Variants in COL25A1 observed in about 807,000 individuals in gnomAD.
The protein encoded by COL25A1 is collagen alpha-1(XXV) chain.
In COL25A1, 103 loss-of-function variants were observed where a neutral mutation model predicts 128.4. That is an observed-to-expected ratio of 0.80 (90% CI 0.68 to 0.94). The LOEUF (loss-of-function observed/expected upper bound fraction) is 0.94. Among genes scored for constraint, COL25A1 ranks in the 40% least tolerant of loss-of-function variants. The pLI is 0.00. For missense variants in COL25A1, 745 were observed against 840.0 expected (o/e 0.89, Z 1.40); for synonymous variants, 279 against 277.2 (o/e 1.01, Z -0.06).
chr4:109,224,960 A>T (rs1347264430), intron 3 of COL25A1, among the ~76,000 whole-genome samples: 2 of 152,120 alleles, frequency 1.3e-5, no homozygotes, highest in Non-Finnish European at 2.9e-5. Flanking sequence ...AAATACATAC[A>T]TCTATACAAG....
At chr4:108,943,985 T>G (rs531633745) in intron 8 of COL25A1, among the ~76,000 whole-genome samples, 16 of 152,336 alleles carry the variant, frequency 1.1e-4, no homozygotes, top group African/African-American at 3.4e-4. Flanking sequence ...TTTAATTTTA[T>G]TAGTTTCATG....
chr4:109,285,453 T>C (rs1723787226), intron 3 of COL25A1, among the ~76,000 whole-genome samples: 1 of 152,232 alleles, frequency 6.6e-6, no homozygotes, highest in Non-Finnish European at 1.5e-5. Flanking sequence ...TCAAATGTAA[T>C]GTATGTCTAG....
intron 24 of COL25A1, among the ~76,000 whole-genome samples, chr4:108,855,952 T>C (rs1736442426): frequency 1.3e-5 from 2 of 152,132 alleles, no homozygotes; most frequent in South Asian, 4.1e-4. Flanking sequence ...TGAACTCAAA[T>C]AATGATTTGA....
chr4:109,135,344 T>C (rs1375263812), intron 3 of COL25A1, among the ~76,000 whole-genome samples: 1 of 152,124 alleles, frequency 6.6e-6, no homozygotes, highest in Admixed American at 6.5e-5. Flanking sequence ...GTGTCATTAC[T>C]CACCAAAAAG....
chr4:109,002,677 T>C lies in COL25A1; in HGVS notation c.438+7681A>G, dbSNP rs1755562007. Among the ~76,000 whole-genome samples, 5 of 152,234 alleles carry C rather than the reference T, an allele frequency of 3.3e-5. No homozygotes were observed. The South Asian group carries it at 8.3e-4, about 25-fold the overall frequency. On this transcript the variant is annotated intron_variant, in intron 6 of 37. Transcript: ENST00000399132. The stretch of plus-strand genomic sequence containing the variant: ...GATTGTTATAATATTGCACAATGTA[T>C]ATGTATGTGAAATCATTACACTGTA...
At chr4:109,153,606 C>T (rs1047966888) in intron 3 of COL25A1, among the ~76,000 whole-genome samples, 6 of 152,078 alleles carry the variant, frequency 3.9e-5, no homozygotes, top group East Asian at 1.9e-4. Context: ...CAACAACAAA[C>T]GCCTTGATCG....
intron 3 of COL25A1, among the ~76,000 whole-genome samples, chr4:109,058,255 C>A (rs1448751556): frequency 6.6e-6 from 1 of 152,074 alleles, no homozygotes; most frequent in East Asian, 1.9e-4. Context: ...CAGGATCCTA[C>A]AGGGGATTTA....
At chr4:109,093,457 GAAAAAA>G (rs564834752) in intron 3 of COL25A1, among the ~76,000 whole-genome samples, 1 of 69,458 alleles carries the variant, frequency 1.4e-5, no homozygotes, top group South Asian at 5.1e-4. Context: ...CCATCTCTAT[GAAAAAA>G]AAAAAAAAAA....
intron 16 of COL25A1, among the ~76,000 whole-genome samples, chr4:108,894,433 C>A (rs1166061454): frequency 6.6e-6 from 1 of 151,798 alleles, no homozygotes; most frequent in African/African-American, 2.4e-5. Flanking sequence ...GTAACTATGG[C>A]CAAATTCAGT....
chr4:108,903,248 C>T (rs1471528712), intron 13 of COL25A1, among the ~76,000 whole-genome samples: 1 of 151,834 alleles, frequency 6.6e-6, no homozygotes, highest in African/African-American at 2.4e-5. Flanking sequence ...TAAAAGGCAG[C>T]AAAAAATTGT....
intron 6 of COL25A1, among the ~76,000 whole-genome samples, chr4:108,978,993 T>C (rs995144278): frequency 5.3e-5 from 8 of 152,234 alleles, no homozygotes; most frequent in African/African-American, 1.7e-4. Flanking sequence ...TTAATTACAT[T>C]AATAAGTACT....
At chr4:109,090,268 C>T (rs966703732) in intron 3 of COL25A1, among the ~76,000 whole-genome samples, 1 of 152,128 alleles carries the variant, frequency 6.6e-6, no homozygotes, top group Non-Finnish European at 1.5e-5. Context: ...CAAACCTTTG[C>T]TAATTTATTC....
intron 3 of COL25A1, among the ~76,000 whole-genome samples, chr4:109,247,434 A>C (rs1780346065): frequency 6.6e-6 from 1 of 152,218 alleles, no homozygotes; most frequent in Admixed American, 6.5e-5. Flanking sequence ...AAAGTGAAAG[A>C]AAAGAAGCCA....
intron 19 of COL25A1, among the ~76,000 whole-genome samples, chr4:108,869,630 T>C (rs770377951): frequency 2.0e-5 from 3 of 152,192 alleles, no homozygotes; most frequent in Non-Finnish European, 4.4e-5. Context: ...AGAACTGGTG[T>C]TGGAAAATAC....
intron 6 of COL25A1, among the ~76,000 whole-genome samples, chr4:108,992,517 T>G (rs1025149): frequency 0.8 from 121,051 of 152,102 alleles, 49,337 homozygotes; most frequent in East Asian, 1. Context: ...CACCATGAAC[T>G]ATTTTCTATG....
intron 31 of COL25A1, 133 bp downstream of exon 31, chr4:108,841,562 G>T: frequency 1.5e-6 from 1 of 687,710 alleles, no homozygotes; most frequent in Non-Finnish European, 2.5e-6. Flanking sequence ...TTAAACATAT[G>T]GATGCTTAAA....
chr4:109,051,936 A>C (rs944491316), intron 3 of COL25A1, among the ~76,000 whole-genome samples: 16 of 150,584 alleles, frequency 1.1e-4, no homozygotes, highest in Non-Finnish European at 2.2e-4. Flanking sequence ...TTAAAAAAAA[A>C]TGTTAGGAAA....
At chr4:108,979,354 T>A (rs1238501399) in intron 6 of COL25A1, among the ~76,000 whole-genome samples, 1 of 152,194 alleles carries the variant, frequency 6.6e-6, no homozygotes, top group Non-Finnish European at 1.5e-5. Flanking sequence ...TGAATGACAT[T>A]CAGGAAAATA....
At chr4:109,115,972 G>A (rs189297957) in intron 3 of COL25A1, among the ~76,000 whole-genome samples, 28 of 152,148 alleles carry the variant, frequency 1.8e-4, no homozygotes, top group Admixed American at 1.8e-3. Context: ...TCAGAGAAGT[G>A]AGGGAACAGG....
Sources: gnomAD v4.1 joint callset for allele counts (sites outside exome capture counted in the v4.1 genomes callset) on GRCh38, gnomAD v4.1.1 for gene constraint, MANE v1.5 for transcripts, NCBI Gene and HGNC (gene_info 2026-07-23, HGNC 2026-07-21) for gene names.